Variants in CARD10 observed in about 807,000 individuals in gnomAD.
CARD10 encodes the protein caspase recruitment domain family member 10, also known as caspase recruitment domain-containing protein 10.
A neutral mutation model predicts 114.6 loss-of-function variants in CARD10; 49 were observed. The ratio of observed to expected loss-of-function variants is 0.43; its 90% CI spans 0.34 to 0.54. The LOEUF is 0.54. Ranked by LOEUF, CARD10 falls within the 20% of genes least tolerant of loss-of-function variation. CARD10 has a pLI of 0.03. For synonymous variants in CARD10, 602 were observed against 593.2 expected (o/e 1.01, Z -0.21); for missense variants, 1,206 against 1,397.2 (o/e 0.86, Z 2.18).
chr22:37,492,605 A>C lies in CARD10; in HGVS notation c.2635+39T>G. The C allele has an allele frequency of 6.2e-7, 1 of 1,609,510 alleles. No individual in the cohort carries two copies. The highest frequency in any genetic ancestry group is 1.1e-5 in the South Asian group (1 of 90,770). ...AGGATCCATGGGCCCGGCTGCCCAG[A>C]GGGGCACCCAGCCTCCCCTCCCCGG... On this transcript the variant is annotated intron_variant, in intron 17 of 19. Coordinates refer to ENST00000251973, the MANE Select transcript of CARD10 (RefSeq NM_014550.4). This position sits in a 1 kb window ranked among gnomAD's most constrained non-coding sequence, Gnocchi z 5.7.
chr22:37,492,428 C>A lies in CARD10; in HGVS notation c.2751+7G>T. 1 of 1,545,702 alleles carries A rather than the reference C, an allele frequency of 6.5e-7. No individual in the cohort carries two copies. ...GTGAGCACCCCAGGCCAGCCCCCAG[C>A]ACCCACCTTCCCAACAGACTCCTGG... On this transcript the variant is annotated splice_region_variant and intron_variant, in intron 18 of 19. Coordinates refer to ENST00000251973, the MANE Select transcript of CARD10 (RefSeq NM_014550.4). The surrounding 1 kb of genome is among the most constrained non-coding windows in gnomAD (Gnocchi z 5.7).
intron 11 of CARD10, 150 bp downstream of exon 11, chr22:37,502,452 G>A (rs1923249084): frequency 2.3e-6 from 2 of 852,476 alleles, no homozygotes; most frequent in Admixed American, 2.9e-5. Flanking sequence ...GCGGCAGCAG[G>A]ATTGGAATCC....
chr22:37,496,487 T>A lies in CARD10; in HGVS notation c.2021A>T (p.Asn674Ile), dbSNP rs1923008116. The A allele has an allele frequency of 1.9e-6, 3 of 1,613,646 alleles. No individual in the cohort carries two copies. The highest frequency in any genetic ancestry group is 2.5e-6 in the Non-Finnish European group (3 of 1,179,886). Reference sequence around the variant, plus strand: ...CAGGGAGGGGAGTGTGGACCCCTGATTCCAGAGCAAGGTTCTCTGCTGGGC... The same window carrying A: ...CAGGGAGGGGAGTGTGGACCCCTGAATCCAGAGCAAGGTTCTCTGCTGGGC... The part of the protein sequence containing the change: ...AEAQQRTLLW[N>I]QGSTLPSLMD... The change falls in exon 13 of 20, where the codon AAT (asparagine) becomes ATT (isoleucine). Residue 674 changes from asparagine (N) to isoleucine (I), a missense_variant. Physicochemically the swap from Asn to Ile is moderately radical, Grantham distance 149. Around this residue, in one of 2 missense-constraint regions of CARD10, gnomAD observed 1,068 missense variants for 1,179.1 expected, o/e 0.91. Transcript: ENST00000251973. The surrounding 1 kb of genome is among the most constrained non-coding windows in gnomAD (Gnocchi z 4.1).
Position 37,496,373 on chromosome 22 carries a change from T to C in CARD10, c.2059+76A>G. ...GGCTGGTCCCTTCTCAGGTCCTTGG[T>C]CCCTCCCCACCCCATGCACCACGGG... is the stretch of plus-strand genomic sequence containing the variant. On this transcript the variant is annotated intron_variant, in intron 13 of 19. Transcript: ENST00000251973. This position sits in a 1 kb window ranked among gnomAD's most constrained non-coding sequence, Gnocchi z 4.1. The C allele has an allele frequency of 9.2e-7, 1 of 1,085,584 alleles. No individual in the cohort carries two copies. Among genetic ancestry groups the C allele is most frequent in the Non-Finnish European group, 1.4e-6 (1 of 737,718 alleles). The allele number at this position is 1,085,584 out of a possible 1,614,324, so 67.2% of individuals were successfully genotyped here. A position where few individuals can be genotyped will look rare whatever the true frequency, so the allele number is the denominator to read the frequency against.
chr22:37,513,086 G>A (rs1923717619), intron 3 of CARD10, among the ~76,000 whole-genome samples: 1 of 152,056 alleles, frequency 6.6e-6, no homozygotes, highest in African/African-American at 2.4e-5. Context: ...TAAATTTATA[G>A]TAGCTAAGTT....
At chr22:37,504,362 C>A (rs1161169359) in intron 8 of CARD10, 61 bp from the exon 9 acceptor site, 3 of 1,251,762 alleles carry the variant, frequency 2.4e-6, no homozygotes, top group Non-Finnish European at 3.3e-6. Flanking sequence ...CAGTCCTCAG[C>A]ACACCTGGTT....
Position 37,504,620 on chromosome 22 carries a change from G to T in CARD10, c.1518+15C>A. 6.8e-7 allele frequency: 1 copy of T among 1,468,720 alleles called. No homozygotes were observed. The highest frequency in any genetic ancestry group is 1.5e-5 in the South Asian group (1 of 66,342). 91.0% of individuals were successfully genotyped at this position (1,468,720 alleles called of 1,614,324 possible). ...GCAGTGTCCCCCCTTATTTGGGATG[G>T]GGCAGTTGTCTTACCGAGTTGTGAG... is the stretch of plus-strand genomic sequence containing the variant. On this transcript the variant is annotated intron_variant, in intron 8 of 19. Transcript: ENST00000251973.
In CARD10 at chr22:37,497,040, G is replaced by A. The variant is rs199687031; in HGVS notation, c.1926C>T (p.Ser642=). ...TCACCTCTCTTGGTTCCATCCTGGC[G>A]GACCCAGGCCCAGACAGCACCCTGC... ...VVRRVLSGPG[S]ARMEPREQRV... is the part of the protein sequence containing the mutation. Residue 642 remains serine, a synonymous_variant, in exon 12 of 20, where the codon TCC becomes TCT. Coordinates refer to ENST00000251973, the MANE Select transcript of CARD10 (RefSeq NM_014550.4). 3.2e-5 allele frequency: 51 copies of A among 1,613,528 alleles called. No individual in the cohort carries two copies. The highest frequency in any genetic ancestry group is 1.5e-4 in the Admixed American group (9 of 59,854).
chr22:37,511,372 A>G (rs1170360346), intron 3 of CARD10, among the ~76,000 whole-genome samples: 4 of 144,516 alleles, frequency 2.8e-5, no homozygotes, highest in Non-Finnish European at 4.6e-5. Context: ...AAAAAAAAAA[A>G]AAAAAGAAGA....
intron 3 of CARD10, among the ~76,000 whole-genome samples, chr22:37,515,280 G>A (rs971961759): frequency 7.9e-5 from 12 of 152,114 alleles, no homozygotes; most frequent in Non-Finnish European, 1.5e-4. Context: ...TAAACTCACC[G>A]GGCCAGGTAC....
At position 37,496,543 on chromosome 22, in the gene CARD10, A is replaced by G. The variant is rs201152897; in HGVS notation, c.1965T>C (p.Ala655=). 3.1e-6 allele frequency: 5 copies of G among 1,613,488 alleles called. No homozygotes were observed. The East Asian group carries it at 8.9e-5, about 29-fold the overall frequency. The change falls in exon 13 of 20, where the codon GCT becomes GCC. Residue 655 remains alanine (A), a synonymous_variant. Coordinates refer to ENST00000251973, the MANE Select transcript of CARD10 (RefSeq NM_014550.4). The surrounding 1 kb of genome is among the most constrained non-coding windows in gnomAD (Gnocchi z 4.1). ...MEPREQRVEA[A]GLEGACLEAE... ...CTTCCAGGCACGCCCCCTCCAGACC[A>G]GCAGCTTCCACCCTTTGCTGGGAGA...
Position 37,501,648 on chromosome 22 carries a change from G to A in CARD10, c.1787+954C>T, listed in dbSNP as rs1038968665. Among the ~76,000 whole-genome samples the A allele has an allele frequency of 2.6e-5, 4 of 152,104 alleles. No homozygotes were observed. The highest frequency in any genetic ancestry group is 2.0e-4 in the Admixed American group (3 of 15,280). On this transcript the variant is annotated intron_variant, in intron 11 of 19. Transcript: ENST00000251973. The surrounding 1 kb of genome is among the most constrained non-coding windows in gnomAD (Gnocchi z 5.4). ...CTTTCCAAAACCCAAATCTGATCAG[G>A]TCACTATGAACCCAGACCTGGTACT...
At chr22:37,499,741 C>T (rs983847767) in intron 11 of CARD10, among the ~76,000 whole-genome samples, 3 of 152,120 alleles carry the variant, frequency 2.0e-5, no homozygotes, top group Non-Finnish European at 4.4e-5. Context: ...CAGCACTCCT[C>T]GGAGTCTGCA....
rs1922835610 is a variant in CARD10 at position 37,492,399 on chromosome 22, C to G, written c.2751+36G>C. 6.9e-7 allele frequency: 1 copy of G among 1,456,684 alleles called. No individual in the cohort carries two copies. Among genetic ancestry groups the G allele is most frequent in the Non-Finnish European group, 9.2e-7 (1 of 1,081,366 alleles). 90.2% of individuals were successfully genotyped at this position (1,456,684 alleles called of 1,614,324 possible). ...AACAGCAGCACCCGCTCTGGGCCAC[C>G]TCTGTGAGCACCCCAGGCCAGCCCC... On this transcript the variant is annotated intron_variant, in intron 18 of 19. Coordinates refer to ENST00000251973, the MANE Select transcript of CARD10 (RefSeq NM_014550.4). The surrounding 1 kb of genome is among the most constrained non-coding windows in gnomAD (Gnocchi z 5.7).
rs552862336 is a variant in CARD10, at chr22:37,501,378, G to T, written c.1787+1224C>A. 1.4e-3 allele frequency among the ~76,000 whole-genome samples: 214 copies of T among 152,302 alleles called. No individual in the cohort carries two copies. Among genetic ancestry groups the T allele is most frequent in the Non-Finnish European group, 2.6e-3 (178 of 68,020 alleles). ...AAACTGGAGGAAGGGAGGAAGGGCCGAGGCGAGCAGGAAGGGAGGCGCCTC... is the reference window on the plus strand; with the variant it reads ...AAACTGGAGGAAGGGAGGAAGGGCCTAGGCGAGCAGGAAGGGAGGCGCCTC... On this transcript the variant is annotated intron_variant, in intron 11 of 19. Coordinates refer to ENST00000251973, the MANE Select transcript of CARD10 (RefSeq NM_014550.4). This position sits in a 1 kb window ranked among gnomAD's most constrained non-coding sequence, Gnocchi z 5.4.
chr22:37,495,348 G>A (rs1244051051), intron 15 of CARD10, among the ~76,000 whole-genome samples, 169 bp downstream of exon 15: 6 of 152,182 alleles, frequency 3.9e-5, no homozygotes, highest in East Asian at 1.9e-4. Flanking sequence ...TACCCTGGAC[G>A]GTGAGCTCTG....
intron 6 of CARD10, among the ~76,000 whole-genome samples, 161 bp downstream of exon 6, chr22:37,507,668 G>C (rs1312412062): frequency 6.6e-6 from 1 of 152,194 alleles, no homozygotes; most frequent in South Asian, 2.1e-4. Context: ...AGGGCTCCAG[G>C]TCTCCTGTCT....
chr22:37,512,465 C>CACACA (rs1923690678), intron 3 of CARD10, among the ~76,000 whole-genome samples: 16 of 113,856 alleles, frequency 1.4e-4, no homozygotes, highest in East Asian at 1.3e-3. Flanking sequence ...AGCCCCCCCT[C>CACACA]CACACACACA....
At chr22:37,494,513 T>C in intron 15 of CARD10, 1 of 384,778 alleles carries the variant, frequency 2.6e-6, no homozygotes, top group Non-Finnish European at 4.7e-6. Context: ...AGGAACCAAA[T>C]GTCACATACG....
Sources: gnomAD v4.1 joint callset for allele counts (sites outside exome capture counted in the v4.1 genomes callset) on GRCh38, gnomAD v4.1.1 for gene constraint, gnomAD v4.1.1 regional missense constraint, Gnocchi (gnomAD v3.1) non-coding constraint, MANE v1.5 for transcripts, NCBI Gene and HGNC (gene_info 2026-07-23, HGNC 2026-07-21) for gene names.